The following NAALADL2 variants were observed in gnomAD, a reference collection of about 807,000 sequenced individuals.
NAALADL2 encodes the protein N-acetylated alpha-linked acidic dipeptidase like 2, also known as inactive N-acetylated-alpha-linked acidic dipeptidase-like protein 2.
NAALADL2 carries 76 observed loss-of-function variants against 87.2 expected under a neutral mutation model. The ratio of observed to expected loss-of-function variants is 0.87; its 90% CI spans 0.72 to 1.05. The LOEUF is 1.05. Among genes scored for constraint, NAALADL2 ranks in the 50% least tolerant of loss-of-function variants. NAALADL2 has a pLI of 0.00. For missense variants in NAALADL2, 1,089 were observed against 945.8 expected (o/e 1.15, Z -1.99); for synonymous variants, 354 against 331.0 (o/e 1.07, Z -0.75).
intron 4 of NAALADL2, among the ~76,000 whole-genome samples, chr3:175,287,796 CTG>C (rs1366587164): frequency 2.0e-5 from 3 of 152,164 alleles, no homozygotes; most frequent in Admixed American, 6.5e-5. Flanking sequence ...GTCTAGAACA[CTG>C]TGTAGAACAG....
chr3:175,636,868 A>G (rs1031115879), intron 11 of NAALADL2, among the ~76,000 whole-genome samples: 1 of 152,132 alleles, frequency 6.6e-6, no homozygotes, highest in Admixed American at 6.5e-5. Flanking sequence ...AATATATGAC[A>G]TTTTAAGACA....
At chr3:174,479,844 G>A (rs1461412526) in intron 1 of NAALADL2, among the ~76,000 whole-genome samples, 1 of 151,898 alleles carries the variant, frequency 6.6e-6, no homozygotes, top group Non-Finnish European at 1.5e-5. Flanking sequence ...AATTAAAAAC[G>A]ATGAAACATG....
chr3:175,230,317 T>A (rs534712222), intron 2 of NAALADL2, among the ~76,000 whole-genome samples: 1 of 152,170 alleles, frequency 6.6e-6, no homozygotes, highest in East Asian at 1.9e-4. Context: ...CTCTATGCAT[T>A]AAAATTATAA....
chr3:175,698,483 T>G (rs538539134), intron 11 of NAALADL2, among the ~76,000 whole-genome samples: 3 of 67,774 alleles, frequency 4.4e-5, no homozygotes, highest in Non-Finnish European at 8.5e-5. Flanking sequence ...GTATATATAT[T>G]TATATATATA....
intron 1 of NAALADL2, among the ~76,000 whole-genome samples, chr3:174,520,969 A>C (rs568773818): frequency 6.6e-6 from 1 of 152,244 alleles, no homozygotes; most frequent in Non-Finnish European, 1.5e-5. Context: ...ATAAGACATC[A>C]TCTCACACCA....
chr3:174,694,804 CAAAT>C (rs1350784324), intron 2 of NAALADL2, among the ~76,000 whole-genome samples: 1 of 151,834 alleles, frequency 6.6e-6, no homozygotes, highest in African/African-American at 2.4e-5. Flanking sequence ...ACACAGAACA[CAAAT>C]AAAATATATT....
At chr3:174,530,462 A>G (rs1010865817) in intron 1 of NAALADL2, among the ~76,000 whole-genome samples, 4 of 152,260 alleles carry the variant, frequency 2.6e-5, no homozygotes, top group African/African-American at 7.2e-5. Context: ...ATTTTCGGAT[A>G]TCTTTTCAGC....
chr3:175,332,503 G>A (rs1286780751), intron 5 of NAALADL2, among the ~76,000 whole-genome samples: 1 of 152,168 alleles, frequency 6.6e-6, no homozygotes, highest in East Asian at 1.9e-4. Flanking sequence ...GTCTCACTAT[G>A]TTGCCCAGTC....
chr3:175,175,978 T>C (rs1027036882), intron 2 of NAALADL2, among the ~76,000 whole-genome samples: 1 of 152,108 alleles, frequency 6.6e-6, no homozygotes, highest in Non-Finnish European at 1.5e-5. Context: ...ATATACATTA[T>C]GATATGCTAT....
chr3:175,077,773 A>G (rs1716896566), intron 1 of NAALADL2, among the ~76,000 whole-genome samples: 1 of 152,132 alleles, frequency 6.6e-6, no homozygotes, highest in African/African-American at 2.4e-5. Flanking sequence ...TTTTAAAAAT[A>G]TAATCATTAT....
chr3:175,384,422 T>C (rs918801885), intron 5 of NAALADL2, among the ~76,000 whole-genome samples: 2 of 152,060 alleles, frequency 1.3e-5, no homozygotes, highest in African/African-American at 4.8e-5. Flanking sequence ...GAAAGATGCT[T>C]TATCATTATA....
chr3:174,895,154 A>T (rs192250402), intron 1 of NAALADL2, among the ~76,000 whole-genome samples: 1 of 152,220 alleles, frequency 6.6e-6, no homozygotes, highest in Admixed American at 6.5e-5. Flanking sequence ...ACCCAAAATT[A>T]GTATAAGAAA....
chr3:174,629,845 T>C (rs1431282528), intron 2 of NAALADL2, among the ~76,000 whole-genome samples: 1 of 152,212 alleles, frequency 6.6e-6, no homozygotes, highest in African/African-American at 2.4e-5. Flanking sequence ...AAGTATGTAG[T>C]TCTTGATAAA....
intron 3 of NAALADL2, among the ~76,000 whole-genome samples, chr3:174,742,455 C>A (rs1291298688): frequency 6.6e-6 from 1 of 151,640 alleles, no homozygotes; most frequent in Non-Finnish European, 1.5e-5. Flanking sequence ...TTAGAGCCAA[C>A]CTAGTACCTA....
At chr3:175,597,336 A>G (rs1260467314) in intron 10 of NAALADL2, among the ~76,000 whole-genome samples, 1 of 152,024 alleles carries the variant, frequency 6.6e-6, no homozygotes, top group African/African-American at 2.4e-5. Context: ...TCAATAATCA[A>G]TACTGCAAGA....
intron 1 of NAALADL2, among the ~76,000 whole-genome samples, chr3:174,863,435 C>T (rs1465421843): frequency 6.6e-6 from 1 of 152,042 alleles, no homozygotes. Context: ...ACAAAAGTTA[C>T]ATTAGCTTGT....
intron 3 of NAALADL2, among the ~76,000 whole-genome samples, chr3:174,738,732 A>G (rs1401632990): frequency 2.0e-5 from 3 of 152,216 alleles, no homozygotes; most frequent in Non-Finnish European, 4.4e-5. Flanking sequence ...CTATGTAAAC[A>G]CTTATTGCCT....
upstream of NAALADL2, among the ~76,000 whole-genome samples, chr3:174,858,009 C>T (rs1425856703): frequency 6.6e-6 from 1 of 150,946 alleles, no homozygotes; most frequent in East Asian, 1.9e-4. Flanking sequence ...TAGATTTTTT[C>T]AAATTAAAAA....
chr3:175,597,719 G>A (rs1722432742), intron 10 of NAALADL2, among the ~76,000 whole-genome samples: 1 of 151,864 alleles, frequency 6.6e-6, no homozygotes, highest in Admixed American at 6.6e-5. Flanking sequence ...TCCCCAAGTT[G>A]TAACAACCAA....
Sources: allele counts gnomAD v4.1 joint callset (sites outside exome capture counted in the v4.1 genomes callset), GRCh38; gene constraint gnomAD v4.1.1; transcripts MANE v1.5; gene names NCBI Gene and HGNC (gene_info 2026-07-23, HGNC 2026-07-21).